The following STK39 variants were observed in gnomAD, a reference collection of about 807,000 sequenced individuals.
The protein encoded by STK39 is STE20/SPS1-related proline-alanine-rich protein kinase.
Under a neutral mutation model 77.8 loss-of-function variants are expected in STK39, and 20 were observed. The observed-to-expected ratio is 0.26, with a 90% CI of 0.18 to 0.37. STK39 has a LOEUF of 0.37. STK39 is among the 10% of genes least tolerant of loss of function. The probability of loss-of-function intolerance (pLI) is 1.00; values close to 1 mark genes in which losing one functional copy is unlikely to be tolerated. For synonymous variants in STK39, 246 were observed against 234.1 expected (o/e 1.05, Z -0.47); for missense variants, 479 against 656.5 (o/e 0.73, Z 2.95).
chr2:168,206,559 C>T (rs1689749382), intron 1 of STK39, among the ~76,000 whole-genome samples: 1 of 152,168 alleles, frequency 6.6e-6, no homozygotes, highest in Non-Finnish European at 1.5e-5. Context: ...CCTCGGCCTC[C>T]CAAAGTGCTG....
At chr2:168,245,700 G>A (rs1690880216) in intron 1 of STK39, among the ~76,000 whole-genome samples, 1 of 152,196 alleles carries the variant, frequency 6.6e-6, no homozygotes, top group African/African-American at 2.4e-5. Flanking sequence ...ACAATGGGAG[G>A]AGGCAGGCAG....
rs188654142 is a variant in STK39 at position 168,223,413 on chromosome 2, G to A, written c.208+23815C>T. On this transcript the variant is annotated intron_variant, in intron 1 of 17. Coordinates refer to ENST00000355999, the MANE Select transcript of STK39 (RefSeq NM_013233.3). ...TGTAATCCCAGCTAATCGGGAGGGC[G>A]AGGCAGGAGAATTGCTTGAACCAGG... is the stretch of plus-strand genomic sequence containing the variant. 4.6e-3 allele frequency among the ~76,000 whole-genome samples: 687 copies of A among 150,900 alleles called. 4 individuals are homozygous for A. Among genetic ancestry groups the A allele is most frequent in the South Asian group, 0.012 (58 of 4,776 alleles).
At chr2:168,052,921 C>T (rs1685434078) in intron 14 of STK39, among the ~76,000 whole-genome samples, 2 of 152,176 alleles carry the variant, frequency 1.3e-5, no homozygotes, top group Non-Finnish European at 1.5e-5. Flanking sequence ...CAACACAGAG[C>T]GAGGAAGCGG....
At chr2:168,004,938 TACTTTGAGAGAC>T (rs1684088296) in intron 16 of STK39, among the ~76,000 whole-genome samples, 1 of 149,464 alleles carries the variant, frequency 6.7e-6, no homozygotes, top group Non-Finnish European at 1.5e-5. Context: ...TCACAGCTCA[TACTTTGAGAGAC>T]ACTCAGAATA....
chr2:168,117,357 C>T lies in STK39; in HGVS notation c.1089+12184G>A, dbSNP rs1574478415. On this transcript the variant is annotated intron_variant, in intron 10 of 17. Transcript: ENST00000355999. ...CTCCCATGAAGACGATCCTCATCAC[C>T]ATCTTGCTTGCTAAACTTCAATTTG... Among the ~76,000 whole-genome samples the T allele has an allele frequency of 1.1e-4, 16 of 152,316 alleles. 2 individuals are homozygous for T. Among genetic ancestry groups the T allele is most frequent in the Middle Eastern group, 3.4e-3 (1 of 294 alleles).
chr2:168,173,696 T>C (rs1484451003), intron 2 of STK39, among the ~76,000 whole-genome samples: 1 of 152,142 alleles, frequency 6.6e-6, no homozygotes, highest in Non-Finnish European at 1.5e-5. Flanking sequence ...TAGCTGGAAT[T>C]ACAGGTGTGT....
intron 14 of STK39, among the ~76,000 whole-genome samples, chr2:168,044,837 C>A (rs952651763): frequency 6.6e-5 from 10 of 152,120 alleles, no homozygotes; most frequent in Non-Finnish European, 1.5e-4. Context: ...TGTAAACCAA[C>A]CAACCATGAC....
intron 16 of STK39, among the ~76,000 whole-genome samples, chr2:168,006,309 G>C: frequency 6.6e-6 from 1 of 152,152 alleles, no homozygotes; most frequent in Non-Finnish European, 1.5e-5. Context: ...ATACCCACTG[G>C]TGTTCCTTCT....
Position 167,980,837 on chromosome 2 carries a change from T to C in STK39, c.1499-16111A>G, listed in dbSNP as rs1055823866. On this transcript the variant is annotated intron_variant, in intron 16 of 17. Coordinates refer to ENST00000355999, the MANE Select transcript of STK39 (RefSeq NM_013233.3). ...CTTCATTTCTTCTTCTTTTTTTAAA[T>C]CTGTAGTAATTTCCAAAACCTTTAA... Among the ~76,000 whole-genome samples the C allele has an allele frequency of 2.0e-5, 3 of 151,922 alleles. No homozygotes were observed. The East Asian group carries it at 5.8e-4, about 29-fold the overall frequency.
intron 1 of STK39, 111 bp downstream of exon 1, chr2:168,247,117 G>T: frequency 1.9e-6 from 1 of 528,614 alleles, no homozygotes; most frequent in Non-Finnish European, 2.4e-6. Flanking sequence ...CCCCGAAGCC[G>T]GCCTCTCTGC....
chr2:168,066,239 G>T (rs1559080792), intron 12 of STK39, among the ~76,000 whole-genome samples: 1 of 152,178 alleles, frequency 6.6e-6, no homozygotes, highest in Non-Finnish European at 1.5e-5. Context: ...AGGGAAAAGT[G>T]TATTGATGTC....
chr2:167,965,441 C>T (rs1224067184), intron 16 of STK39, among the ~76,000 whole-genome samples: 3 of 152,172 alleles, frequency 2.0e-5, no homozygotes, highest in Admixed American at 2.0e-4. Context: ...GAGATCTGTC[C>T]TTGTTCTTCA....
At chr2:168,026,170 T>C (rs1339533849) in intron 14 of STK39, among the ~76,000 whole-genome samples, 2 of 152,086 alleles carry the variant, frequency 1.3e-5, no homozygotes, top group Admixed American at 6.5e-5. Flanking sequence ...TTGCAGAAAA[T>C]GATGGTCAGT....
chr2:168,012,642 A>G lies in STK39; in HGVS notation c.1490T>C (p.Val497Ala). The change falls in exon 16 of 18, where the codon GTA becomes GCA. Residue 497 changes from valine (V) to alanine (A), a missense_variant. Around this residue, in one of 3 missense-constraint regions of STK39, gnomAD observed 244 missense variants for 296.8 expected, o/e 0.82. Coordinates refer to ENST00000355999, the MANE Select transcript of STK39 (RefSeq NM_013233.3). ...ACTAAAAAACAATTTACCTATAACT[A>G]CATCGTGACCATCCACCAAGCCAGC... Reference protein sequence around the residue: ...FSAGLVDGHDVVIVAANLQKI... With the variant: ...FSAGLVDGHDAVIVAANLQKI... 6.2e-7 allele frequency: 1 copy of G among 1,613,700 alleles called. No individual in the cohort carries two copies. Among genetic ancestry groups the G allele is most frequent in the South Asian group, 1.1e-5 (1 of 91,046 alleles).
At chr2:168,199,502 T>G (rs1038173017) in intron 1 of STK39, among the ~76,000 whole-genome samples, 1 of 151,930 alleles carries the variant, frequency 6.6e-6, no homozygotes, top group African/African-American at 2.4e-5. Context: ...AATTACTTTG[T>G]AAAAGGAAAT....
chr2:168,199,075 G>A (rs1029446205), intron 1 of STK39, among the ~76,000 whole-genome samples: 3 of 152,154 alleles, frequency 2.0e-5, no homozygotes, highest in Non-Finnish European at 4.4e-5. Context: ...AGCAGGGGGC[G>A]GGGGAAACTT....
chr2:168,216,135 T>C (rs1171678154), intron 1 of STK39, among the ~76,000 whole-genome samples: 5 of 92,140 alleles, frequency 5.4e-5, no homozygotes, highest in Admixed American at 8.6e-5. Context: ...CAGATATGGA[T>C]AGGCCTCCCG....
At chr2:167,997,765 A>C (rs1559050088) in intron 16 of STK39, among the ~76,000 whole-genome samples, 1 of 152,246 alleles carries the variant, frequency 6.6e-6, no homozygotes, top group South Asian at 2.1e-4. Context: ...GAGACACATA[A>C]AAACTGATTT....
chr2:168,098,098 CTTCT>C (rs1358612286), intron 10 of STK39, among the ~76,000 whole-genome samples: 1 of 152,204 alleles, frequency 6.6e-6, no homozygotes, highest in Admixed American at 6.5e-5. Flanking sequence ...TAGATTTACT[CTTCT>C]TTATCATTCT....
Sources: gnomAD v4.1 joint callset for allele counts (sites outside exome capture counted in the v4.1 genomes callset) on GRCh38, gnomAD v4.1.1 for gene constraint, gnomAD v4.1.1 regional missense constraint, MANE v1.5 for transcripts, NCBI Gene and HGNC (gene_info 2026-07-23, HGNC 2026-07-21) for gene names.